PXDNL: variants seen among roughly 807,000 people sequenced by gnomAD.
PXDNL encodes probable oxidoreductase PXDNL.
A neutral mutation model predicts 150.8 loss-of-function variants in PXDNL; 145 were observed. The ratio of observed to expected loss-of-function variants is 0.96; its 90% CI spans 0.84 to 1.10. The LOEUF is 1.10. Ranked by LOEUF, PXDNL falls within the 50% of genes least tolerant of loss-of-function variation. The pLI, the probability that PXDNL is intolerant of heterozygous loss-of-function variation, is 0.00. For missense variants in PXDNL, 2,087 were observed against 1,873.9 expected, an observed-to-expected ratio of 1.11 and a Z score of -2.10; for synonymous variants, 757 against 725.7, an observed-to-expected ratio of 1.04 and a Z score of -0.69.
At chr8:51,592,765 T>G in intron 2 of PXDNL, 67 bp from the exon 3 acceptor site, 3 of 1,207,424 alleles carry the variant, frequency 2.5e-6, no homozygotes, top group Non-Finnish European at 3.5e-6. Context: ...TTAAAATAGT[T>G]CTGCTAAGTA....
intron 1 of PXDNL, among the ~76,000 whole-genome samples, chr8:51,662,180 A>AGAT (rs1484639360): frequency 2.0e-5 from 3 of 152,224 alleles, no homozygotes; most frequent in African/African-American, 7.2e-5. Context: ...TCGGGTCTGC[A>AGAT]GATTCAATGG....
intron 17 of PXDNL, among the ~76,000 whole-genome samples, chr8:51,400,186 A>G (rs919193990): frequency 1.3e-5 from 2 of 152,294 alleles, no homozygotes; most frequent in Non-Finnish European, 2.9e-5. Context: ...TGGGAATGGA[A>G]CCCAACTCTA....
chr8:51,686,559 A>G (rs1815879975), intron 1 of PXDNL, among the ~76,000 whole-genome samples: 1 of 152,262 alleles, frequency 6.6e-6, no homozygotes, highest in Non-Finnish European at 1.5e-5. Flanking sequence ...ATTGAGCAGG[A>G]TGCCTGGAGA....
chr8:51,447,050 C>A lies in PXDNL; in HGVS notation c.1479G>T (p.Ser493=). Reference sequence around the variant, plus strand: ...GCACAGACACCTTTTTCACCCCCAACGAACTGACTGCTTGACATTCATATT... The same window carrying A: ...GCACAGACACCTTTTTCACCCCCAAAGAACTGACTGCTTGACATTCATATT... ...QGQYECQAVS[S]LGVKKVSVQL... Residue 493 remains serine (S), a synonymous_variant, in exon 12 of 23, where the codon TCG becomes TCT. Transcript: ENST00000356297. The A allele has an allele frequency of 6.2e-7, 1 of 1,613,986 alleles. No individual in the cohort carries two copies. Among genetic ancestry groups the A allele is most frequent in the Middle Eastern group, 1.6e-4 (1 of 6,062 alleles).
intron 4 of PXDNL, among the ~76,000 whole-genome samples, chr8:51,500,702 A>G (rs1811160326): frequency 6.6e-6 from 1 of 152,228 alleles, no homozygotes; most frequent in Non-Finnish European, 1.5e-5. Flanking sequence ...TTCCATGAAA[A>G]GTAACAAACT....
At chr8:51,555,680 TA>T (rs1271038411) in intron 4 of PXDNL, among the ~76,000 whole-genome samples, 4 of 152,142 alleles carry the variant, frequency 2.6e-5, no homozygotes, top group Admixed American at 6.5e-5. Flanking sequence ...TGCCAATACT[TA>T]AAAACAGTCT....
intron 21 of PXDNL, among the ~76,000 whole-genome samples, chr8:51,323,724 G>C (rs1805393940): frequency 6.6e-6 from 1 of 151,970 alleles, no homozygotes; most frequent in Non-Finnish European, 1.5e-5. Flanking sequence ...GACCAGCCGG[G>C]TCAACATGGT....
intron 1 of PXDNL, among the ~76,000 whole-genome samples, chr8:51,806,584 C>T (rs371512362): frequency 1.3e-5 from 2 of 152,166 alleles, no homozygotes; most frequent in South Asian, 2.1e-4. Context: ...TACTTCTCAG[C>T]TTTTATACCA....
In PXDNL at chr8:51,796,855, G is replaced by A. The variant is rs574038650; in HGVS notation, c.164+12326C>T. 8.1e-4 allele frequency among the ~76,000 whole-genome samples: 123 copies of A among 152,146 alleles called. 2 individuals carry two copies. Among genetic ancestry groups the A allele is most frequent in the South Asian group, 1.2e-3 (6 of 4,810 alleles). ...CAGAATCATCCTGATACCAAAACCC[G>A]GCACAGATGCAACAAAAAAAGAGAA... On this transcript the variant is annotated intron_variant, in intron 1 of 22. Transcript: ENST00000356297.
intron 19 of PXDNL, among the ~76,000 whole-genome samples, chr8:51,360,406 CTT>C (rs1806688993): frequency 1.3e-5 from 2 of 152,162 alleles, no homozygotes; most frequent in Admixed American, 6.5e-5. Context: ...ATATGCATAA[CTT>C]AAACATGCAT....
intron 14 of PXDNL, among the ~76,000 whole-genome samples, chr8:51,421,152 ATGTT>A (rs1400668987): frequency 6.6e-6 from 1 of 152,110 alleles, no homozygotes; most frequent in Non-Finnish European, 1.5e-5. Flanking sequence ...GAGAGAGAGG[ATGTT>A]TGTTTGTATG....
intron 3 of PXDNL, among the ~76,000 whole-genome samples, chr8:51,565,338 A>C (rs797015326): frequency 1.2e-4 from 18 of 149,728 alleles, no homozygotes; most frequent in African/African-American, 4.5e-4. Flanking sequence ...AGATAGATAG[A>C]TAGATAAATA....
At chr8:51,716,748 TC>T (rs2130908736) in intron 1 of PXDNL, among the ~76,000 whole-genome samples, 1 of 152,190 alleles carries the variant, frequency 6.6e-6, no homozygotes, top group African/African-American at 2.4e-5. Context: ...ACACCAGGCA[TC>T]CCCAAAGGCA....
Position 51,342,571 on chromosome 8 carries a change from T to C in PXDNL, c.4017-2818A>G, listed in dbSNP as rs967950700. ...ATATGAAGAATAAAATCCACGATAG[T>C]CTCAAACAAACATGAATGCATAAAT... On this transcript the variant is annotated intron_variant, in intron 20 of 22. Coordinates refer to ENST00000356297, the MANE Select transcript of PXDNL (RefSeq NM_144651.5). 2.6e-5 allele frequency among the ~76,000 whole-genome samples: 4 copies of C among 152,088 alleles called. No homozygotes were observed. The East Asian group carries it at 7.7e-4, about 29-fold the overall frequency.
chr8:51,752,807 G>T (rs1317241533), intron 1 of PXDNL, among the ~76,000 whole-genome samples: 1 of 152,186 alleles, frequency 6.6e-6, no homozygotes, highest in Non-Finnish European at 1.5e-5. Context: ...GACTTTGATG[G>T]CAGATGGAAG....
At chr8:51,522,123 CTAA>C (rs1811675904) in intron 4 of PXDNL, among the ~76,000 whole-genome samples, 1 of 152,002 alleles carries the variant, frequency 6.6e-6, no homozygotes, top group African/African-American at 2.4e-5. Flanking sequence ...CTCTAAAATT[CTAA>C]TGAGAAAAGG....
At chr8:51,486,951 C>T (rs1481441783) in intron 5 of PXDNL, among the ~76,000 whole-genome samples, 2 of 150,588 alleles carry the variant, frequency 1.3e-5, no homozygotes, top group African/African-American at 4.9e-5. Flanking sequence ...CATGCCACCC[C>T]GCCCAGCTAA....
chr8:51,727,001 G>A (rs1195271705), intron 1 of PXDNL, among the ~76,000 whole-genome samples: 2 of 152,098 alleles, frequency 1.3e-5, no homozygotes, highest in African/African-American at 2.4e-5. Flanking sequence ...GGTCCTTGGC[G>A]GGCCTCCCTC....
intron 1 of PXDNL, among the ~76,000 whole-genome samples, chr8:51,798,504 C>A (rs1309364086): frequency 6.6e-6 from 1 of 152,078 alleles, no homozygotes; most frequent in Non-Finnish European, 1.5e-5. Flanking sequence ...ACAAAACAAC[C>A]CCATTAAAAC....
Sources: allele counts gnomAD v4.1 joint callset (sites outside exome capture counted in the v4.1 genomes callset), GRCh38; gene constraint gnomAD v4.1.1; transcripts MANE v1.5; gene names NCBI Gene and HGNC (gene_info 2026-07-23, HGNC 2026-07-21).